Variants in VPS35L observed in about 807,000 individuals in gnomAD.
VPS35L encodes VPS35 endosomal protein sorting factor like.
Under a neutral mutation model 133.0 loss-of-function variants are expected in VPS35L, and 83 were observed. That is an observed-to-expected ratio of 0.62 (90% CI 0.52 to 0.75). The LOEUF is 0.75. Among genes scored for constraint, VPS35L ranks in the 30% least tolerant of loss-of-function variants. The pLI, the probability that VPS35L is intolerant of heterozygous loss-of-function variation, is 0.00. For missense variants in VPS35L, 1,083 were observed against 1,206.8 expected, an observed-to-expected ratio of 0.90 and a Z score of 1.52; for synonymous variants, 423 against 449.9, an observed-to-expected ratio of 0.94 and a Z score of 0.76.
intron 12 of VPS35L, chr16:19,610,685 GT>G: frequency 3.3e-6 from 1 of 299,146 alleles, no homozygotes. Context: ...AGAAGTAATT[GT>G]TTCTCAGTTC....
intron 23 of VPS35L, among the ~76,000 whole-genome samples, chr16:19,645,385 G>A (rs1973910141): frequency 1.3e-5 from 2 of 151,630 alleles, no homozygotes; most frequent in African/African-American, 4.8e-5. Flanking sequence ...CGCCTCCCGG[G>A]TTCACGCCAT....
intron 8 of VPS35L, among the ~76,000 whole-genome samples, chr16:19,599,886 A>G (rs748286515): frequency 3.9e-5 from 6 of 152,090 alleles, no homozygotes; most frequent in Non-Finnish European, 7.4e-5. Flanking sequence ...CTCTACAAAA[A>G]AATAATTAGC....
intron 27 of VPS35L, among the ~76,000 whole-genome samples, chr16:19,677,900 G>A (rs543976560): frequency 8.5e-5 from 13 of 152,170 alleles, no homozygotes; most frequent in Admixed American, 2.0e-4. Context: ...CATAACCATG[G>A]ACCAGCCAAC....
intron 12 of VPS35L, among the ~76,000 whole-genome samples, chr16:19,611,024 G>C (rs1340723186): frequency 6.6e-6 from 1 of 152,056 alleles, no homozygotes; most frequent in Non-Finnish European, 1.5e-5. Flanking sequence ...TTTGGAGATG[G>C]AGTCTTACTG....
At chr16:19,683,626 T>G (rs1379959005) in intron 28 of VPS35L, among the ~76,000 whole-genome samples, 1 of 152,258 alleles carries the variant, frequency 6.6e-6, no homozygotes, top group African/African-American at 2.4e-5. Flanking sequence ...ACAAAGGCCA[T>G]GATTTCATTC....
intron 6 of VPS35L, among the ~76,000 whole-genome samples, 198 bp from the exon 7 acceptor site, chr16:19,581,322 ACCCAC>A (rs1971701826): frequency 6.6e-6 from 1 of 152,022 alleles, no homozygotes; most frequent in South Asian, 2.1e-4. Context: ...CAGACTTTCA[ACCCAC>A]AGCACTCTGT....
At chr16:19,661,030 TCTC>T (rs1974467254) in intron 26 of VPS35L, among the ~76,000 whole-genome samples, 1 of 149,836 alleles carries the variant, frequency 6.7e-6, no homozygotes, top group Non-Finnish European at 1.5e-5. Context: ...GCCTCTCTAT[TCTC>T]CTTTCTCCTT....
At chr16:19,669,546 TAAAC>T (rs1382540506) in intron 27 of VPS35L, among the ~76,000 whole-genome samples, 1 of 152,182 alleles carries the variant, frequency 6.6e-6, no homozygotes, top group East Asian at 1.9e-4. Context: ...ACTGGGGTCT[TAAAC>T]AACATTTATT....
rs34929537 is a variant in VPS35L, at chr16:19,682,908, CTTGATTGATTGA to C, written c.2527+543_2527+554del. Among the ~76,000 whole-genome samples the C allele has an allele frequency of 1.6e-4, 24 of 151,606 alleles. 1 individual carries two copies. Among genetic ancestry groups the C allele is most frequent in the South Asian group, 8.3e-4 (4 of 4,798 alleles). The stretch of plus-strand genomic sequence containing the variant: ...ACAGATTCTTCAGCCCCATCCTGCC[CTTGATTGATTGA>C]TTGATTGATTGATTGATTGATTGAG... On this transcript the variant is annotated intron_variant, in intron 28 of 30. Transcript: ENST00000417362.
chr16:19,645,748 C>G (rs942253026), intron 23 of VPS35L, among the ~76,000 whole-genome samples: 4 of 152,138 alleles, frequency 2.6e-5, no homozygotes, highest in Non-Finnish European at 5.9e-5. Context: ...TAACATGGGT[C>G]GTGGCCCCAA....
In VPS35L at chr16:19,573,212, C is replaced by G; in HGVS notation, c.379C>G (p.Arg127Gly). Residue 127 changes from arginine (R) to glycine (G), a missense_variant, in exon 4 of 31, where the codon CGG (arginine) becomes GGG (glycine). Arg to Gly is a moderately radical substitution (Grantham distance 125, BLOSUM62 -2). Coordinates refer to ENST00000417362, the MANE Select transcript of VPS35L (RefSeq NM_020314.7). ...WTNKRGEILA[R>G]YTTTEKLSIN... ...CAACAAACGGGGAGAAATCCTTGCC[C>G]GGTACACCACTACCGAAAAGCTGTC... The G allele has an allele frequency of 6.2e-7, 1 of 1,613,910 alleles. No homozygotes were observed. The highest frequency in any genetic ancestry group is 8.5e-7 in the Non-Finnish European group (1 of 1,179,872).
At position 19,633,241 on chromosome 16, in the gene VPS35L, T is replaced by G; in HGVS notation, c.1635+69T>G. The G allele has an allele frequency of 7.3e-7, 1 of 1,378,862 alleles. No homozygotes were observed. The highest frequency in any genetic ancestry group is 1.0e-6 in the Non-Finnish European group (1 of 966,814). The allele number at this position is 1,378,862 out of a possible 1,614,324, so 85.4% of individuals were successfully genotyped here. On this transcript the variant is annotated intron_variant, in intron 19 of 30. Transcript: ENST00000417362. The surrounding 1 kb of genome is among the most constrained non-coding windows in gnomAD (Gnocchi z 4.1). ...GTTCTGTTGAATTAAATAGGCGTGT[T>G]GTATGGGTCAGGCTATAAAGGCACA...
At chr16:19,557,732 C>T (rs1174802305) in intron 1 of VPS35L, among the ~76,000 whole-genome samples, 1 of 151,882 alleles carries the variant, frequency 6.6e-6, no homozygotes, top group Non-Finnish European at 1.5e-5. Context: ...TTCAGTTTCC[C>T]TAATAGACTT....
At chr16:19,604,773 C>T (rs1009374607) in intron 9 of VPS35L, among the ~76,000 whole-genome samples, 2 of 152,316 alleles carry the variant, frequency 1.3e-5, no homozygotes, top group Non-Finnish European at 1.5e-5. Context: ...GAATTTCATA[C>T]TTGAGCCCTT....
intron 27 of VPS35L, among the ~76,000 whole-genome samples, chr16:19,675,489 A>G (rs1975033835): frequency 6.6e-6 from 1 of 152,164 alleles, no homozygotes; most frequent in Admixed American, 6.6e-5. Flanking sequence ...ATATGTACCC[A>G]GAAGTAGCAT....
chr16:19,608,547 T>C (rs1198755052), intron 10 of VPS35L: 1 of 425,706 alleles, frequency 2.3e-6, no homozygotes, highest in Non-Finnish European at 4.2e-6. Context: ...ATTCTCTCAA[T>C]TAAAATGCTT....
intron 13 of VPS35L, 58 bp downstream of exon 13, chr16:19,616,249 A>G (rs1972889855): frequency 6.8e-7 from 1 of 1,478,774 alleles, no homozygotes; most frequent in Non-Finnish European, 9.4e-7. Flanking sequence ...TAGCAAATTC[A>G]CAAAACCCAG....
intron 2 of VPS35L, 58 bp downstream of exon 2, chr16:19,565,008 A>C: frequency 7.4e-7 from 1 of 1,351,158 alleles, no homozygotes; most frequent in Non-Finnish European, 1.0e-6. Flanking sequence ...ATGAAAGACA[A>C]TCTTCCTGAG....
chr16:19,700,437 G>A lies in VPS35L; in HGVS notation c.2853G>A (p.Thr951=), dbSNP rs779587859. The A allele has an allele frequency of 3.7e-5, 59 of 1,614,076 alleles. No homozygotes were observed. Among genetic ancestry groups the A allele is most frequent in the Admixed American group, 1.2e-4 (7 of 60,008 alleles). ...QSKQPDMTHL[T]ELALRLPLQT... The stretch of plus-strand genomic sequence containing the variant: ...AACAACCAGACATGACTCATCTGAC[G>A]GAGCTGGCCCTCAGACTCCCTCTGC... The change falls in exon 31 of 31, where the codon ACG becomes ACA. Residue 951 remains threonine (T), a synonymous_variant. Transcript: ENST00000417362.
Sources: allele counts gnomAD v4.1 joint callset (sites outside exome capture counted in the v4.1 genomes callset), GRCh38; gene constraint gnomAD v4.1.1; non-coding constraint Gnocchi (gnomAD v3.1); transcripts MANE v1.5; gene names NCBI Gene and HGNC (gene_info 2026-07-23, HGNC 2026-07-21).